DEPDC1B: variants seen among roughly 807,000 people sequenced by gnomAD.
DEPDC1B encodes the protein DEP domain-containing protein 1B.
A neutral mutation model predicts 66.5 loss-of-function variants in DEPDC1B; 51 were observed. The observed-to-expected ratio is 0.77, with a 90% CI of 0.61 to 0.97. The LOEUF is 0.97. Among genes scored for constraint, DEPDC1B ranks in the 50% least tolerant of loss-of-function variants. The pLI, the probability that DEPDC1B is intolerant of heterozygous loss-of-function variation, is 0.00. For synonymous variants in DEPDC1B, 226 were observed against 223.6 expected, an observed-to-expected ratio of 1.01 and a Z score of -0.10; for missense variants, 552 against 637.1, an observed-to-expected ratio of 0.87 and a Z score of 1.44.
intron 1 of DEPDC1B, among the ~76,000 whole-genome samples, chr5:60,696,032 C>T (rs373074292): frequency 1.3e-5 from 2 of 152,092 alleles, no homozygotes; most frequent in Non-Finnish European, 2.9e-5. Flanking sequence ...CTCCTGACCT[C>T]GTGATCCACC....
At chr5:60,653,082 T>C (rs1561376420) in intron 2 of DEPDC1B, among the ~76,000 whole-genome samples, 1 of 149,350 alleles carries the variant, frequency 6.7e-6, no homozygotes, top group Non-Finnish European at 1.5e-5. Context: ...TGTGTGCAAG[T>C]GTCTTTTTCG....
At chr5:60,615,324 A>G (rs1465550711) in intron 7 of DEPDC1B, among the ~76,000 whole-genome samples, 1 of 152,156 alleles carries the variant, frequency 6.6e-6, no homozygotes, top group Non-Finnish European at 1.5e-5. Flanking sequence ...CAGCACACCA[A>G]GCGTGAGCCA....
At chr5:60,668,732 A>C (rs1233877704) in intron 2 of DEPDC1B, among the ~76,000 whole-genome samples, 1 of 152,218 alleles carries the variant, frequency 6.6e-6, no homozygotes, top group East Asian at 1.9e-4. Context: ...GAAATTCAAG[A>C]TAACATCATG....
chr5:60,618,080 T>C (rs1042784301), intron 7 of DEPDC1B, among the ~76,000 whole-genome samples: 1 of 152,206 alleles, frequency 6.6e-6, no homozygotes, highest in Non-Finnish European at 1.5e-5. Context: ...AAGATATTCT[T>C]TGAAACCAAT....
intron 2 of DEPDC1B, among the ~76,000 whole-genome samples, chr5:60,667,514 C>T (rs376557814): frequency 0.017 from 1,083 of 61,890 alleles, 2 homozygotes; most frequent in Admixed American, 0.023. Context: ...TACATATATA[C>T]AAAAAATGGA....
At chr5:60,607,169 A>T (rs1419958945) in intron 7 of DEPDC1B, among the ~76,000 whole-genome samples, 2 of 152,194 alleles carry the variant, frequency 1.3e-5, no homozygotes, top group African/African-American at 4.8e-5. Flanking sequence ...ACATGCAGTT[A>T]TGAGGGGAAT....
At chr5:60,650,541 T>C (rs1753425685) in intron 2 of DEPDC1B, among the ~76,000 whole-genome samples, 1 of 152,190 alleles carries the variant, frequency 6.6e-6, no homozygotes, top group Admixed American at 6.5e-5. Flanking sequence ...CATTGCCAAA[T>C]GTCTTCCGCA....
chr5:60,655,215 A>G lies in DEPDC1B; in HGVS notation c.315-7682T>C, dbSNP rs952804553. Reference sequence around the variant, plus strand: ...TAGGATTGGTACCAATTCTTCCTTGAATATCTGATAGAATTCAGCTGTGAA... The same window carrying G: ...TAGGATTGGTACCAATTCTTCCTTGGATATCTGATAGAATTCAGCTGTGAA... On this transcript the variant is annotated intron_variant, in intron 2 of 10. Coordinates refer to ENST00000265036, the MANE Select transcript of DEPDC1B (RefSeq NM_018369.3). Among the ~76,000 whole-genome samples the G allele has an allele frequency of 1.3e-4, 19 of 148,946 alleles. 1 individual carries two copies. The highest frequency in any genetic ancestry group is 4.6e-4 in the African/African-American group (18 of 39,420).
intron 7 of DEPDC1B, among the ~76,000 whole-genome samples, chr5:60,631,491 C>A (rs561284126): frequency 9.2e-5 from 14 of 152,172 alleles, no homozygotes; most frequent in Non-Finnish European, 1.0e-4. Context: ...CTCTCCAGCT[C>A]CCTGCAAGGA....
intron 2 of DEPDC1B, among the ~76,000 whole-genome samples, chr5:60,659,257 A>G (rs1322969435): frequency 6.6e-6 from 1 of 152,114 alleles, no homozygotes; most frequent in African/African-American, 2.4e-5. Flanking sequence ...AGCTCTAAGA[A>G]CAAAGACCCC....
At chr5:60,653,729 T>C (rs978892782) in intron 2 of DEPDC1B, among the ~76,000 whole-genome samples, 1 of 131,752 alleles carries the variant, frequency 7.6e-6, no homozygotes, top group African/African-American at 3.3e-5. Context: ...GCGATTTTTA[T>C]GATTTCAGGT....
intron 2 of DEPDC1B, among the ~76,000 whole-genome samples, chr5:60,670,481 C>G (rs1216294034): frequency 6.6e-6 from 1 of 151,946 alleles, no homozygotes; most frequent in African/African-American, 2.4e-5. Context: ...ACTCAAAATC[C>G]CAGCAAGAAT....
chr5:60,636,583 T>A (rs1177881922), intron 7 of DEPDC1B, among the ~76,000 whole-genome samples: 6 of 152,190 alleles, frequency 3.9e-5, no homozygotes, highest in Non-Finnish European at 8.8e-5. Context: ...AACCTACATA[T>A]GTAGATATTT....
At chr5:60,610,558 A>G (rs1243468256) in intron 7 of DEPDC1B, among the ~76,000 whole-genome samples, 1 of 152,226 alleles carries the variant, frequency 6.6e-6, no homozygotes, top group Non-Finnish European at 1.5e-5. Flanking sequence ...GTCCCAACAC[A>G]AGCATATTAT....
intron 1 of DEPDC1B, among the ~76,000 whole-genome samples, chr5:60,688,392 T>C (rs1411390875): frequency 6.6e-6 from 1 of 152,118 alleles, no homozygotes; most frequent in African/African-American, 2.4e-5. Context: ...CAAACACTGC[T>C]GGGTTGAGAG....
chr5:60,667,991 T>TTATA lies in DEPDC1B; in HGVS notation c.314+18967_314+18970dup, dbSNP rs1554054980. ...ATATTTTATATATATAAAATGGATATTATATATATAAAATGGATATTTTAT... is the reference window on the plus strand; with the variant it reads ...ATATTTTATATATATAAAATGGATATTATATATATATATAAAATGGATATTTTAT... On this transcript the variant is annotated intron_variant, in intron 2 of 10. Coordinates refer to ENST00000265036, the MANE Select transcript of DEPDC1B (RefSeq NM_018369.3). 3.2e-5 allele frequency among the ~76,000 whole-genome samples: 3 copies of TTATA among 93,768 alleles called. 1 individual carries two copies. The highest frequency in any genetic ancestry group is 1.1e-4 in the African/African-American group (2 of 17,848). The allele number at this position is 93,768 out of a possible 152,430, so 61.5% of individuals were successfully genotyped here.
chr5:60,698,698 G>A lies in DEPDC1B; in HGVS notation c.48+1348C>T, dbSNP rs543668057. Among the ~76,000 whole-genome samples, 7 of 143,666 alleles carry A rather than the reference G, an allele frequency of 4.9e-5. No homozygotes were observed. The East Asian group carries it at 8.2e-4, about 17-fold the overall frequency. The allele number at this position is 143,666 out of a possible 152,430, so 94.3% of individuals were successfully genotyped here. ...TTTTTTTTTTTTGAGATGGAGTTTC[G>A]CTCGTTGCCCAGGCTGGAGTGCAAT... On this transcript the variant is annotated intron_variant, in intron 1 of 10. Coordinates refer to ENST00000265036, the MANE Select transcript of DEPDC1B (RefSeq NM_018369.3).
chr5:60,644,090 A>G (rs1753254664), intron 5 of DEPDC1B, among the ~76,000 whole-genome samples: 1 of 152,226 alleles, frequency 6.6e-6, no homozygotes, highest in South Asian at 2.1e-4. Flanking sequence ...GGAAGAACAA[A>G]TCAATGAGCC....
chr5:60,668,644 T>C (rs1342670789), intron 2 of DEPDC1B, among the ~76,000 whole-genome samples: 1 of 151,998 alleles, frequency 6.6e-6, no homozygotes, highest in Non-Finnish European at 1.5e-5. Flanking sequence ...GCAAAACACA[T>C]GAACCAGGCA....
Sources: allele counts gnomAD v4.1 joint callset (sites outside exome capture counted in the v4.1 genomes callset), GRCh38; gene constraint gnomAD v4.1.1; transcripts MANE v1.5; gene names NCBI Gene and HGNC (gene_info 2026-07-23, HGNC 2026-07-21).